The following TMEM245 variants were observed in gnomAD, a reference collection of about 807,000 sequenced individuals.
TMEM245 encodes protein CG-2.
A neutral mutation model predicts 101.2 loss-of-function variants in TMEM245; 69 were observed. The ratio of observed to expected loss-of-function variants is 0.68; its 90% CI spans 0.56 to 0.83. TMEM245 has a LOEUF of 0.83. TMEM245 is among the 40% of genes least tolerant of loss of function. The pLI is 0.00. For missense variants in TMEM245, 1,075 were observed against 1,092.8 expected, an observed-to-expected ratio of 0.98 and a Z score of 0.23; for synonymous variants, 537 against 449.8, an observed-to-expected ratio of 1.19 and a Z score of -2.45.
At chr9:109,103,234 T>C (rs936181575) in intron 3 of TMEM245, among the ~76,000 whole-genome samples, 2 of 152,182 alleles carry the variant, frequency 1.3e-5, no homozygotes, top group African/African-American at 4.8e-5. Context: ...AAGAAACTAC[T>C]GAAGCTAATA....
Position 109,119,845 on chromosome 9 carries a change from G to C in TMEM245, c.69C>G (p.Val23=), listed in dbSNP as rs949893858. Residue 23 remains valine, a synonymous_variant, in exon 1 of 18, where the codon GTC becomes GTG. Coordinates refer to ENST00000374586, the MANE Select transcript of TMEM245 (RefSeq NM_032012.4). ...CGCCACTCGGCCCGACCGCGCGCGG[G>C]ACCCGCGGCGCCGGCCCGGGAGAGC... ...LRSSPGPAPR[V]PRAVGPSGGG... The C allele has an allele frequency of 3.7e-6, 5 of 1,333,748 alleles. No individual in the cohort carries two copies. Among genetic ancestry groups the C allele is most frequent in the East Asian group, 6.2e-5 (2 of 32,314 alleles). 82.6% of individuals were successfully genotyped at this position (1,333,748 alleles called of 1,614,324 possible). A position where few individuals can be genotyped will look rare whatever the true frequency, so the allele number is the denominator to read the frequency against.
chr9:109,118,580 G>A (rs1830793289), intron 1 of TMEM245, among the ~76,000 whole-genome samples: 1 of 152,194 alleles, frequency 6.6e-6, no homozygotes, highest in African/African-American at 2.4e-5. Flanking sequence ...GTAAGCTCAG[G>A]TTAATCCAAG....
At chr9:109,030,936 A>G (rs759836909) in intron 17 of TMEM245, among the ~76,000 whole-genome samples, 43 of 152,350 alleles carry the variant, frequency 2.8e-4, no homozygotes, top group Admixed American at 6.5e-4. Flanking sequence ...TAAAAGTATA[A>G]AATATTTTCA....
At chr9:109,042,443 G>A (rs1828340126) in intron 14 of TMEM245, 1 of 152,406 alleles carries the variant, frequency 6.6e-6, no homozygotes, top group African/African-American at 2.4e-5. Flanking sequence ...ATCTGTAACT[G>A]GTTGTGATCA....
rs757468668 is a variant in TMEM245 at position 109,038,023 on chromosome 9, G to A, written c.2218C>T (p.Pro740Ser). Residue 740 changes from proline to serine, a missense_variant, in exon 15 of 18, where the codon CCA (proline) becomes TCA (serine). Physicochemically the swap from Pro to Ser is moderately conservative, Grantham distance 74 (BLOSUM62 -1). Coordinates refer to ENST00000374586, the MANE Select transcript of TMEM245 (RefSeq NM_032012.4). ...GGTACAATATGGTTGTTACCTGATG[G>A]TATGAAGACAATATTGATGCCAAAC... ...TMFGINIVFI[P>S]SALAAILGAV... is the part of the protein sequence containing the mutation. 6.2e-7 allele frequency: 1 copy of A among 1,609,314 alleles called. No individual in the cohort carries two copies. The highest frequency in any genetic ancestry group is 1.1e-5 in the South Asian group (1 of 90,418).
chr9:109,082,275 C>G (rs1164469227), intron 7 of TMEM245, among the ~76,000 whole-genome samples: 2 of 152,072 alleles, frequency 1.3e-5, no homozygotes, highest in Admixed American at 1.3e-4. Flanking sequence ...ACAATTACAG[C>G]TTCAAACAGA....
At chr9:109,037,975 T>G in intron 15 of TMEM245, 42 bp downstream of exon 15, 1 of 1,482,252 alleles carries the variant, frequency 6.7e-7, no homozygotes, top group Non-Finnish European at 9.1e-7. Flanking sequence ...GGCTTAACTT[T>G]CCTTAAATAG....
chr9:109,048,075 C>T (rs1175739938), intron 14 of TMEM245, among the ~76,000 whole-genome samples: 5 of 152,164 alleles, frequency 3.3e-5, no homozygotes, highest in Non-Finnish European at 4.4e-5. Context: ...GTACTTCCTT[C>T]GAAACAGCTT....
rs539695422 is a variant in TMEM245, at chr9:109,090,216, G to A, written c.1150+706C>T. On this transcript the variant is annotated intron_variant, in intron 5 of 17. Transcript: ENST00000374586. ...GCAAAGGCTGCAGTGAGCTGAGATC[G>A]CGCCACTGCAATCCAGCCTGGGTGA... 5.9e-5 allele frequency among the ~76,000 whole-genome samples: 9 copies of A among 152,026 alleles called. No individual in the cohort carries two copies. The South Asian group carries it at 1.0e-3, about 18-fold the overall frequency.
chr9:109,063,433 T>C (rs1481703648), intron 10 of TMEM245, among the ~76,000 whole-genome samples: 1 of 152,246 alleles, frequency 6.6e-6, no homozygotes, highest in African/African-American at 2.4e-5. Context: ...ATTCCATATA[T>C]GTGTATACAG....
chr9:109,098,952 GACTA>G (rs1467559584), intron 3 of TMEM245, among the ~76,000 whole-genome samples: 1 of 152,204 alleles, frequency 6.6e-6, no homozygotes, highest in Non-Finnish European at 1.5e-5. Flanking sequence ...ACGATGAGCA[GACTA>G]ACTTTTTTAA....
chr9:109,073,565 A>C, intron 8 of TMEM245, 127 bp from the exon 9 acceptor site: 1 of 677,002 alleles, frequency 1.5e-6, no homozygotes. Context: ...TGCTTTAATT[A>C]ATTTAGAAAC....
chr9:109,107,524 C>T (rs1830461271), intron 2 of TMEM245, among the ~76,000 whole-genome samples: 1 of 152,108 alleles, frequency 6.6e-6, no homozygotes, highest in Non-Finnish European at 1.5e-5. Context: ...TCTGCCTTCC[C>T]TGAGTTCAAA....
Position 109,090,992 on chromosome 9 carries a change from A to C in TMEM245, c.1080T>G (p.Val360=). 1 of 1,614,186 alleles carries C rather than the reference A, an allele frequency of 6.2e-7. No individual in the cohort carries two copies. Among genetic ancestry groups the C allele is most frequent in the African/African-American group, 1.3e-5 (1 of 75,052 alleles). ...KTSDIYFVSL[V]WAIVVMQIWL... Reference sequence around the variant, plus strand: ...AGATCTGCATGACGACAATGGCCCAAACTAGAGACACAAAGTAGATGTCAC... The same window carrying C: ...AGATCTGCATGACGACAATGGCCCACACTAGAGACACAAAGTAGATGTCAC... The change falls in exon 5 of 18, where the codon GTT becomes GTG. Residue 360 remains valine (V), a synonymous_variant. Coordinates refer to ENST00000374586, the MANE Select transcript of TMEM245 (RefSeq NM_032012.4).
At chr9:109,118,497 T>C (rs1830789689) in intron 1 of TMEM245, among the ~76,000 whole-genome samples, 2 of 152,224 alleles carry the variant, frequency 1.3e-5, no homozygotes, top group Non-Finnish European at 2.9e-5. Context: ...CACAATATAG[T>C]CTGAGTTAGG....
At chr9:109,097,980 T>C (rs1276466821) in intron 3 of TMEM245, among the ~76,000 whole-genome samples, 1 of 152,172 alleles carries the variant, frequency 6.6e-6, no homozygotes, top group Non-Finnish European at 1.5e-5. Flanking sequence ...CAATAAATGT[T>C]AGCTATCATC....
chr9:109,066,452 C>CAAAAAAAAAAAAA (rs386415818), intron 9 of TMEM245, among the ~76,000 whole-genome samples: 3 of 52,480 alleles, frequency 5.7e-5, no homozygotes, highest in African/African-American at 3.5e-4. Context: ...AAGACTGTCT[C>CAAAAAAAAAAAAA]AAAAAAAAAA....
intron 2 of TMEM245, among the ~76,000 whole-genome samples, chr9:109,106,926 A>C (rs1025959910): frequency 6.6e-6 from 1 of 152,008 alleles, no homozygotes; most frequent in African/African-American, 2.4e-5. Flanking sequence ...CAAACCATCT[A>C]CTTCACCCCA....
chr9:109,040,842 C>T (rs12337567), intron 14 of TMEM245, among the ~76,000 whole-genome samples: 2 of 152,146 alleles, frequency 1.3e-5, no homozygotes, highest in African/African-American at 4.8e-5. Flanking sequence ...CATTCACCAG[C>T]TGATGGGCAT....
Sources: allele counts gnomAD v4.1 joint callset (sites outside exome capture counted in the v4.1 genomes callset), GRCh38; gene constraint gnomAD v4.1.1; transcripts MANE v1.5; gene names NCBI Gene and HGNC (gene_info 2026-07-23, HGNC 2026-07-21).